The following ESRRG variants were observed in gnomAD, a reference collection of about 807,000 sequenced individuals.
ESRRG encodes estrogen related receptor gamma.
A neutral mutation model predicts 44.0 loss-of-function variants in ESRRG; 13 were observed. The observed-to-expected ratio is 0.30, with a 90% confidence interval of 0.19 to 0.47. The LOEUF (loss-of-function observed/expected upper bound fraction) is 0.47, where lower values mean the gene tolerates loss of function less well. ESRRG is among the 20% of genes least tolerant of loss of function. The pLI is 1.00. For synonymous variants in ESRRG, 215 were observed against 214.6 expected, an observed-to-expected ratio of 1.00 and a Z score of -0.02; for missense variants, 395 against 580.6, an observed-to-expected ratio of 0.68 and a Z score of 3.29.
intron 1 of ESRRG, among the ~76,000 whole-genome samples, chr1:217,008,764 C>T (rs1310385229): frequency 6.6e-6 from 1 of 152,158 alleles, no homozygotes; most frequent in Non-Finnish European, 1.5e-5. Flanking sequence ...CAGGGTTTTG[C>T]ACTGTGATTG....
At chr1:217,061,486 C>G (rs560420305) in intron 1 of ESRRG, among the ~76,000 whole-genome samples, 12 of 152,204 alleles carry the variant, frequency 7.9e-5, no homozygotes, top group Middle Eastern at 3.4e-3. Flanking sequence ...TCCCCCCACA[C>G]TTAAATATGG....
At chr1:216,967,250 C>T (rs977438440) in intron 1 of ESRRG, among the ~76,000 whole-genome samples, 9 of 152,058 alleles carry the variant, frequency 5.9e-5, no homozygotes, top group African/African-American at 2.2e-4. Context: ...AGCATTTCCA[C>T]CCAAAGCCCA....
intron 1 of ESRRG, among the ~76,000 whole-genome samples, chr1:217,124,792 C>A (rs769752048): frequency 2.0e-5 from 3 of 152,162 alleles, no homozygotes; most frequent in Non-Finnish European, 4.4e-5. Context: ...GTAGGCAATA[C>A]ATAGAAAGGA....
chr1:216,623,604 A>G (rs2062676544), intron 3 of ESRRG, among the ~76,000 whole-genome samples: 1 of 152,202 alleles, frequency 6.6e-6, no homozygotes, highest in Non-Finnish European at 1.5e-5. Flanking sequence ...GTAAGGAAAC[A>G]TAAAACAAAG....
chr1:216,589,458 G>A (rs1007140431), intron 3 of ESRRG, among the ~76,000 whole-genome samples: 1 of 151,970 alleles, frequency 6.6e-6, no homozygotes, highest in Non-Finnish European at 1.5e-5. Flanking sequence ...ATGTGACCCA[G>A]GAAAGCCAAA....
intron 5 of ESRRG, among the ~76,000 whole-genome samples, chr1:216,528,026 G>C (rs1041925659): frequency 1.3e-5 from 2 of 150,492 alleles, no homozygotes; most frequent in South Asian, 2.1e-4. Flanking sequence ...CTGGCGCTCA[G>C]TAAATATGTG....
intron 1 of ESRRG, among the ~76,000 whole-genome samples, chr1:217,052,873 C>T (rs1171457786): frequency 1.3e-5 from 2 of 152,056 alleles, no homozygotes; most frequent in Non-Finnish European, 2.9e-5. Flanking sequence ...GGACTAGTCA[C>T]GCTTGATCAC....
intron 2 of ESRRG, among the ~76,000 whole-genome samples, chr1:216,820,078 A>G (rs1485908818): frequency 1.3e-5 from 2 of 152,214 alleles, no homozygotes; most frequent in Admixed American, 1.3e-4. Context: ...ACTACATCCA[A>G]ATTTAATAAG....
chr1:216,573,985 G>A (rs907689467), intron 3 of ESRRG, among the ~76,000 whole-genome samples: 8 of 152,072 alleles, frequency 5.3e-5, no homozygotes, highest in South Asian at 2.1e-4. Flanking sequence ...AGGTGGCAAA[G>A]CCTGTCTCTG....
At chr1:217,121,220 T>C (rs2092814065) in intron 1 of ESRRG, among the ~76,000 whole-genome samples, 2 of 151,996 alleles carry the variant, frequency 1.3e-5, no homozygotes, top group African/African-American at 4.8e-5. Context: ...AATCGCTCAG[T>C]ATAACCAAAG....
chr1:216,821,341 A>G (rs1486338383), intron 2 of ESRRG, among the ~76,000 whole-genome samples: 2 of 152,024 alleles, frequency 1.3e-5, no homozygotes, highest in Admixed American at 1.3e-4. Flanking sequence ...ATCCCACTGA[A>G]CCATTTGAAA....
At chr1:216,852,616 A>C (rs1246622893) in intron 2 of ESRRG, among the ~76,000 whole-genome samples, 2 of 152,214 alleles carry the variant, frequency 1.3e-5, no homozygotes, top group Non-Finnish European at 2.9e-5. Context: ...GAGGTAAGCA[A>C]ACACTTATAT....
chr1:217,059,965 A>T (rs533018404), intron 1 of ESRRG, among the ~76,000 whole-genome samples: 2 of 152,202 alleles, frequency 1.3e-5, no homozygotes, highest in East Asian at 3.9e-4. Flanking sequence ...TGTATTTTTT[A>T]AAAATACAAA....
chr1:216,542,486 T>G (rs2053192139), intron 5 of ESRRG, among the ~76,000 whole-genome samples: 1 of 152,040 alleles, frequency 6.6e-6, no homozygotes, highest in South Asian at 2.1e-4. Context: ...TGGAATTTCC[T>G]ATTAGGTCTC....
At chr1:217,060,230 T>C (rs926454036) in intron 1 of ESRRG, among the ~76,000 whole-genome samples, 4 of 152,080 alleles carry the variant, frequency 2.6e-5, no homozygotes, top group African/African-American at 9.7e-5. Flanking sequence ...CAAAAATATA[T>C]ATATTTTTAA....
At chr1:216,974,117 G>C (rs1394282201) in intron 1 of ESRRG, among the ~76,000 whole-genome samples, 1 of 152,048 alleles carries the variant, frequency 6.6e-6, no homozygotes, top group Non-Finnish European at 1.5e-5. Flanking sequence ...TCTTTTTAAA[G>C]AACATAAGTA....
chr1:216,622,609 T>TACACAC (rs1553429669), intron 3 of ESRRG, among the ~76,000 whole-genome samples: 13 of 150,934 alleles, frequency 8.6e-5, no homozygotes, highest in African/African-American at 3.2e-4. Context: ...AAATGAAAAT[T>TACACAC]ACACACACGC....
chr1:216,613,634 A>G (rs1465341084), intron 3 of ESRRG, among the ~76,000 whole-genome samples: 1 of 152,134 alleles, frequency 6.6e-6, no homozygotes, highest in Non-Finnish European at 1.5e-5. Context: ...GTGCCTCTCT[A>G]CGTATACCAA....
intron 2 of ESRRG, among the ~76,000 whole-genome samples, chr1:216,660,254 C>T (rs751582590): frequency 1.3e-5 from 2 of 152,130 alleles, no homozygotes; most frequent in African/African-American, 2.4e-5. Flanking sequence ...AGAAATGAGA[C>T]TAAAACTGAG....
Sources: gnomAD v4.1 joint callset for allele counts (sites outside exome capture counted in the v4.1 genomes callset) on GRCh38, gnomAD v4.1.1 for gene constraint, MANE v1.5 for transcripts, NCBI Gene and HGNC (gene_info 2026-07-23, HGNC 2026-07-21) for gene names.